NBPF9: variants seen among roughly 807,000 people sequenced by gnomAD.
NBPF9 encodes the protein NBPF member 9.
In NBPF9, 91 loss-of-function variants were observed where a neutral mutation model predicts 97.8. The observed-to-expected ratio is 0.93, with a 90% CI of 0.79 to 1.11. The LOEUF (loss-of-function observed/expected upper bound fraction) is 1.11. Ranked by LOEUF, NBPF9 falls within the 50% of genes least tolerant of loss-of-function variation. The pLI is 0.00. For synonymous variants in NBPF9, 334 were observed against 359.5 expected (o/e 0.93, Z 0.80); for missense variants, 992 against 939.5 (o/e 1.06, Z -0.73).
At chr1:149,079,137 G>A in exon 9 of NBPF9, 1 of 1,308,416 alleles carries the variant, frequency 7.6e-7, no homozygotes, top group Non-Finnish European at 1.1e-6. Flanking sequence ...CATTCAATGA[G>A]CGGGAGGCAT....
Position 149,058,183 on chromosome 1 carries a change from G to C in NBPF9, c.2791C>G (p.Gln931Glu). 1.5e-5 allele frequency: 8 copies of C among 535,988 alleles called. 1 individual carries two copies. Among genetic ancestry groups the C allele is most frequent in the South Asian group, 1.4e-4 (8 of 58,136 alleles). The allele number at this position is 535,988 out of a possible 1,614,324, so 33.2% of individuals were successfully genotyped here. A position where few individuals can be genotyped will look rare whatever the true frequency, so the allele number is the denominator to read the frequency against. The change falls in exon 27 of 30, where the codon CAA becomes GAA. Residue 931 changes from glutamine to glutamate, a missense_variant. By Grantham distance (29) the Gln-to-Glu change is conservative. Around this residue, in one of 11 missense-constraint regions of NBPF9, gnomAD observed 397 missense variants for 213.6 expected, o/e 1.86. Coordinates refer to ENST00000584027, the Ensembl canonical transcript of NBPF9. Reference sequence around the variant, plus strand: ...AGTTACCTGGGGCATGGTGGGCCTTGGTCTTCTTCCTCTTCTTGGTCCTTT... The same window carrying C: ...AGTTACCTGGGGCATGGTGGGCCTTCGTCTTCTTCCTCTTCTTGGTCCTTT...
intron 5 of NBPF9, among the ~76,000 whole-genome samples, chr1:149,089,258 AG>A (rs1229743571): frequency 1.3e-5 from 2 of 152,114 alleles, no homozygotes; most frequent in Non-Finnish European, 2.9e-5. Flanking sequence ...CTTGGTGAGG[AG>A]AATGCCTCTG....
At chr1:149,055,707 C>T (rs587704710) in exon 30 of NBPF9, 30 of 1,611,748 alleles carry the variant, frequency 1.9e-5, no homozygotes, top group Middle Eastern at 2.2e-4. Flanking sequence ...GACTTGTCAC[C>T]GTCAAAGTAA....
chr1:149,076,970 GTT>G (rs1375276016), intron 11 of NBPF9, among the ~76,000 whole-genome samples: 7 of 150,572 alleles, frequency 4.6e-5, no homozygotes, highest in Non-Finnish European at 1.0e-4. Flanking sequence ...AATTTTTTGT[GTT>G]CTTTGTAAAG....
chr1:149,070,429 A>G (rs2079310796), intron 16 of NBPF9, among the ~76,000 whole-genome samples: 1 of 151,812 alleles, frequency 6.6e-6, no homozygotes, highest in Non-Finnish European at 1.5e-5. Context: ...TTATGGAAAT[A>G]TATCACCAAA....
chr1:149,100,260 C>T (rs587708203), intron 3 of NBPF9, among the ~76,000 whole-genome samples: 9 of 119,738 alleles, frequency 7.5e-5, no homozygotes, highest in African/African-American at 2.6e-4. Flanking sequence ...TCACAATGAA[C>T]ATCTAGCAAT....
chr1:149,062,433 G>A lies in NBPF9; in HGVS notation c.2079-168C>T, dbSNP rs372672706. ...AGGTTGGGATAGACCAGGGTCAGGT[G>A]GAAAAGAATGAAAGAGAAAGACAGG... is the stretch of plus-strand genomic sequence containing the variant. On this transcript the variant is annotated intron_variant, in intron 21 of 29. Coordinates refer to ENST00000584027, the Ensembl canonical transcript of NBPF9. 8.6e-4 allele frequency among the ~76,000 whole-genome samples: 118 copies of A among 137,576 alleles called. 9 individuals carry two copies. Among genetic ancestry groups the A allele is most frequent in the Non-Finnish European group, 1.5e-3 (95 of 62,472 alleles). 90.3% of individuals were successfully genotyped at this position (137,576 alleles called of 152,430 possible). A position where few individuals can be genotyped will look rare whatever the true frequency, so the allele number is the denominator to read the frequency against.
chr1:149,062,127 C>A (rs1553650146), exon 22 of NBPF9: 2 of 1,120,812 alleles, frequency 1.8e-6, no homozygotes, highest in Non-Finnish European at 2.7e-6. Context: ...GGTACTGTTC[C>A]TCCAATGAGT....
chr1:149,090,595 A>G (rs1261449642), intron 5 of NBPF9, among the ~76,000 whole-genome samples, 158 bp downstream of exon 5: 1 of 152,154 alleles, frequency 6.6e-6, no homozygotes, highest in Admixed American at 6.5e-5. Context: ...GAATGTTTAG[A>G]AAATTGTTCA....
At chr1:149,064,620 G>C in intron 18 of NBPF9, 138 bp from the exon 19 acceptor site, 2 of 644,752 alleles carry the variant, frequency 3.1e-6, no homozygotes, top group Non-Finnish European at 5.5e-6. Flanking sequence ...AAATATTCCA[G>C]TAGGCCTGAG....
intron 21 of NBPF9, among the ~76,000 whole-genome samples, chr1:149,062,497 G>C (rs868988945): frequency 6.9e-6 from 1 of 144,610 alleles, no homozygotes; most frequent in Non-Finnish European, 1.5e-5. Flanking sequence ...TGAGCTCAGC[G>C]AATTGGCCGG....
chr1:149,056,019 T>G (rs1424371701), intron 29 of NBPF9, 120 bp from the exon 30 acceptor site: 24 of 1,586,616 alleles, frequency 1.5e-5, no homozygotes, highest in Admixed American at 3.7e-5. Context: ...GATCCATTAA[T>G]GAGGTAAAAA....
At chr1:149,058,586 T>A in intron 26 of NBPF9, 1 of 255,494 alleles carries the variant, frequency 3.9e-6, no homozygotes, top group South Asian at 2.3e-5. Flanking sequence ...TGCAAGAATT[T>A]TAGACACTGA....
At chr1:149,101,938 T>C (rs1347224239) in intron 2 of NBPF9, among the ~76,000 whole-genome samples, 1 of 140,884 alleles carries the variant, frequency 7.1e-6, no homozygotes, top group African/African-American at 2.6e-5. Flanking sequence ...TTTTTTTTTT[T>C]TTTTTTTGGA....
At chr1:149,077,755 T>C in intron 10 of NBPF9, 128 bp downstream of exon 10, 2 of 1,307,702 alleles carry the variant, frequency 1.5e-6, no homozygotes, top group Non-Finnish European at 2.2e-6. Context: ...CTAAGCTGGG[T>C]TCAATTTCAC....
At chr1:149,076,422 C>T (rs587709621) in intron 11 of NBPF9, among the ~76,000 whole-genome samples, 1 of 151,230 alleles carries the variant, frequency 6.6e-6, no homozygotes, top group South Asian at 2.1e-4. Flanking sequence ...GTTTCGAACT[C>T]CTGAGCTCAG....
rs2078475116 is a variant in NBPF9, at chr1:149,059,670, A to G, written c.2585+30T>C. The G allele has an allele frequency of 3.3e-4, 185 of 562,438 alleles. 61 individuals carry two copies. Among genetic ancestry groups the G allele is most frequent in the Non-Finnish European group, 1.3e-5 (4 of 306,238 alleles). 34.8% of individuals were successfully genotyped at this position (562,438 alleles called of 1,614,324 possible). A position where few individuals can be genotyped will look rare whatever the true frequency, so the allele number is the denominator to read the frequency against. The stretch of plus-strand genomic sequence containing the variant: ...CTGTTGCCTCCAGGTGTTAACACAG[A>G]ACTAAGGATCCAGAATTGCTGAAAG... On this transcript the variant is annotated intron_variant, in intron 25 of 29. Coordinates refer to ENST00000584027, the Ensembl canonical transcript of NBPF9.
At position 149,069,311 on chromosome 1, in the gene NBPF9, CA is replaced by C. The variant is rs1182035356; in HGVS notation, c.1637+282del. ...GGAGATAGAGACGCAAAAAACCCTT[CA>C]AAAAATCAATGAATCCAGGGCTGGT... On this transcript the variant is annotated intron_variant, in intron 17 of 29. Transcript: ENST00000584027. 2.6e-5 allele frequency among the ~76,000 whole-genome samples: 4 copies of C among 151,692 alleles called. No individual in the cohort carries two copies. In the East Asian group the frequency reaches 5.8e-4, roughly 22 times the overall value.
chr1:149,071,977 G>T lies in NBPF9; in HGVS notation c.1307-301C>A, dbSNP rs1278705741. On this transcript the variant is annotated intron_variant, in intron 14 of 29. Transcript: ENST00000584027. ...CGTTGGCAGCTGTCTCCCCCATCCT[G>T]CCAGATCTGATTCCCAGGCACAGGC... 1.1e-4 allele frequency among the ~76,000 whole-genome samples: 17 copies of T among 148,534 alleles called. 1 individual carries two copies. The highest frequency in any genetic ancestry group is 1.5e-5 in the Non-Finnish European group (1 of 67,460).
Sources: allele counts gnomAD v4.1 joint callset (sites outside exome capture counted in the v4.1 genomes callset), GRCh38; gene constraint gnomAD v4.1.1; regional missense constraint gnomAD v4.1.1; transcripts MANE v1.5; gene names NCBI Gene and HGNC (gene_info 2026-07-23, HGNC 2026-07-21).